CDK19: variants seen among roughly 807,000 people sequenced by gnomAD.
CDK19 encodes the protein cyclin dependent kinase 19.
Under a neutral mutation model 68.3 loss-of-function variants are expected in CDK19, and 20 were observed. The observed-to-expected ratio is 0.29, with a 90% CI of 0.21 to 0.43. The LOEUF (loss-of-function observed/expected upper bound fraction) is 0.43, where lower values mean the gene tolerates loss of function less well. CDK19 is among the 20% of genes least tolerant of loss of function. The pLI is 1.00. For missense variants in CDK19, 339 were observed against 623.5 expected, an observed-to-expected ratio of 0.54 and a Z score of 4.86; for synonymous variants, 221 against 222.8, an observed-to-expected ratio of 0.99 and a Z score of 0.07.
chr6:110,677,382 T>C (rs1428247188), intron 2 of CDK19, among the ~76,000 whole-genome samples: 1 of 151,780 alleles, frequency 6.6e-6, no homozygotes, highest in Non-Finnish European at 1.5e-5. Context: ...GCTAACATGG[T>C]GAAACCCCGT....
chr6:110,641,068 T>C (rs1046331831), intron 4 of CDK19, among the ~76,000 whole-genome samples: 1 of 151,908 alleles, frequency 6.6e-6, no homozygotes, highest in African/African-American at 2.4e-5. Flanking sequence ...ATCACCAGAG[T>C]GTGATACCTG....
intron 1 of CDK19, among the ~76,000 whole-genome samples, chr6:110,759,430 T>TAA (rs1184823024): frequency 4.4e-5 from 4 of 90,266 alleles, no homozygotes; most frequent in Non-Finnish European, 8.4e-5. Context: ...AAAAAAAAAA[T>TAA]ATATATATAT....
At chr6:110,648,530 T>C (rs1220749001) in intron 4 of CDK19, among the ~76,000 whole-genome samples, 1 of 146,860 alleles carries the variant, frequency 6.8e-6, no homozygotes, top group Non-Finnish European at 1.5e-5. Context: ...TGAAATCTTT[T>C]TTCTTTTCTT....
At chr6:110,769,622 T>G (rs1015571237) in intron 1 of CDK19, among the ~76,000 whole-genome samples, 1 of 148,380 alleles carries the variant, frequency 6.7e-6, no homozygotes, top group African/African-American at 2.5e-5. Flanking sequence ...GAGCAGGGGG[T>G]GGTATATGGG....
rs192809728 is a variant in CDK19, at chr6:110,680,943, G to A, written c.205-10402C>T. The stretch of plus-strand genomic sequence containing the variant: ...ACCTGGGAAGCAGAAGTTGCAGTGA[G>A]CAGAGATCGTCCCACTGCACTCCAG... On this transcript the variant is annotated intron_variant, in intron 2 of 12. Coordinates refer to ENST00000368911, the MANE Select transcript of CDK19 (RefSeq NM_015076.5). Among the ~76,000 whole-genome samples the A allele has an allele frequency of 2.5e-3, 375 of 152,278 alleles. 3 individuals carry two copies. Among genetic ancestry groups the A allele is most frequent in the African/African-American group, 8.7e-3 (362 of 41,542 alleles).
chr6:110,625,893 C>T (rs1025403709), intron 8 of CDK19, among the ~76,000 whole-genome samples: 12 of 152,160 alleles, frequency 7.9e-5, no homozygotes, highest in African/African-American at 2.9e-4. Flanking sequence ...CTGAAATTTT[C>T]CTGGTAAGTT....
At chr6:110,703,854 T>A (rs910395258) in intron 2 of CDK19, among the ~76,000 whole-genome samples, 4 of 152,048 alleles carry the variant, frequency 2.6e-5, no homozygotes, top group Non-Finnish European at 5.9e-5. Flanking sequence ...AAATAAAAAT[T>A]AAAAATGAAC....
intron 2 of CDK19, among the ~76,000 whole-genome samples, chr6:110,712,338 A>C (rs1357203294): frequency 1.3e-5 from 2 of 152,214 alleles, no homozygotes; most frequent in Non-Finnish European, 2.9e-5. Flanking sequence ...CCAGGTACTA[A>C]TACTCTATGG....
At chr6:110,810,328 CA>C (rs947077827) in intron 1 of CDK19, among the ~76,000 whole-genome samples, 1 of 151,964 alleles carries the variant, frequency 6.6e-6, no homozygotes, top group Admixed American at 6.6e-5. Flanking sequence ...TATAGCTTTC[CA>C]AAAAGAGATA....
intron 12 of CDK19, among the ~76,000 whole-genome samples, chr6:110,615,565 G>C (rs1778261129): frequency 6.6e-6 from 1 of 152,212 alleles, no homozygotes; most frequent in Non-Finnish European, 1.5e-5. Context: ...TTATGACAGT[G>C]AAAGAGATCT....
Position 110,614,477 on chromosome 6 carries a change from A to G in CDK19, c.*58T>C. 6.4e-7 allele frequency: 1 copy of G among 1,565,664 alleles called. No individual in the cohort carries two copies. ...GCATTTTTTTGGTTCTTTTCAATGCAGACATATTGCTGGAGCCTGTGCTCT... is the reference window on the plus strand; with the variant it reads ...GCATTTTTTTGGTTCTTTTCAATGCGGACATATTGCTGGAGCCTGTGCTCT... On this transcript the variant is annotated 3_prime_UTR_variant, in exon 13 of 13. Transcript: ENST00000368911.
At chr6:110,783,236 A>T (rs573203526) in intron 1 of CDK19, among the ~76,000 whole-genome samples, 11 of 152,368 alleles carry the variant, frequency 7.2e-5, no homozygotes, top group African/African-American at 2.4e-4. Context: ...TAGGGCAAGG[A>T]CCATCATTAA....
chr6:110,617,662 T>TATATATATACACACACAC (rs755618032), intron 12 of CDK19, among the ~76,000 whole-genome samples: 1 of 107,158 alleles, frequency 9.3e-6, no homozygotes, highest in African/African-American at 3.9e-5. Flanking sequence ...TATATATATA[T>TATATATATACACACACAC]ACACACACAC....
chr6:110,761,554 A>C (rs1276617445), intron 1 of CDK19, among the ~76,000 whole-genome samples: 1 of 152,166 alleles, frequency 6.6e-6, no homozygotes, highest in African/African-American at 2.4e-5. Context: ...TAAGTTGAGA[A>C]GACTGTGGTA....
chr6:110,630,840 T>A (rs900348455), intron 6 of CDK19, among the ~76,000 whole-genome samples: 1 of 152,258 alleles, frequency 6.6e-6, no homozygotes, highest in African/African-American at 2.4e-5. Context: ...TTTACAATAT[T>A]GCAGCACTGT....
chr6:110,620,244 T>C (rs1284609037), intron 12 of CDK19, among the ~76,000 whole-genome samples: 2 of 152,188 alleles, frequency 1.3e-5, no homozygotes, highest in African/African-American at 2.4e-5. Flanking sequence ...ATGTCTTTCT[T>C]GTTAAAGTTT....
intron 2 of CDK19, among the ~76,000 whole-genome samples, chr6:110,691,326 T>G (rs186066195): frequency 3.4e-4 from 52 of 151,974 alleles, no homozygotes; most frequent in African/African-American, 1.1e-3. Context: ...TACAAAAAAT[T>G]AGCCGGGTGT....
chr6:110,627,006 A>C lies in CDK19; in HGVS notation c.786T>G (p.Pro262=). Residue 262 remains proline (P), a synonymous_variant, in exon 7 of 13, where the codon CCT becomes CCG. Transcript: ENST00000368911. ...LDRIFSVMGF[P]ADKDWEDIRK... The stretch of plus-strand genomic sequence containing the variant: ...TTAAAAAGGAAAATAAATTACCTGC[A>C]GGAAACCCCATGACACTAAATATCC... 1 of 1,601,560 alleles carries C rather than the reference A, an allele frequency of 6.2e-7. No individual in the cohort carries two copies. Among genetic ancestry groups the C allele is most frequent in the Non-Finnish European group, 8.5e-7 (1 of 1,175,582 alleles).
chr6:110,754,378 T>C (rs1778689892), intron 1 of CDK19, among the ~76,000 whole-genome samples: 1 of 152,066 alleles, frequency 6.6e-6, no homozygotes, highest in Non-Finnish European at 1.5e-5. Flanking sequence ...TTTTAAAAAA[T>C]GTATCTGCAG....
Sources: gnomAD v4.1 joint callset for allele counts (sites outside exome capture counted in the v4.1 genomes callset) on GRCh38, gnomAD v4.1.1 for gene constraint, MANE v1.5 for transcripts, NCBI Gene and HGNC (gene_info 2026-07-23, HGNC 2026-07-21) for gene names.